The following SLC25A21 variants were observed in gnomAD, a reference collection of about 807,000 sequenced individuals.
SLC25A21 encodes mitochondrial 2-oxodicarboxylate carrier.
A neutral mutation model predicts 43.8 loss-of-function variants in SLC25A21; 47 were observed. The ratio of observed to expected loss-of-function variants is 1.07; its 90% CI spans 0.85 to 1.37. The LOEUF is 1.37. Ranked by LOEUF, SLC25A21 falls within the 40% of genes most tolerant of loss-of-function variation. The pLI is 0.00. For synonymous variants in SLC25A21, 131 were observed against 121.3 expected, an observed-to-expected ratio of 1.08 and a Z score of -0.52; for missense variants, 352 against 350.2, an observed-to-expected ratio of 1.00 and a Z score of -0.04.
intron 6 of SLC25A21, among the ~76,000 whole-genome samples, chr14:36,714,963 T>C (rs537621740): frequency 5.3e-5 from 8 of 152,224 alleles, no homozygotes; most frequent in Non-Finnish European, 1.2e-4. Context: ...GCAGCTGGTA[T>C]ATCTCATTTT....
chr14:37,110,770 T>G (rs1963004600), intron 1 of SLC25A21, among the ~76,000 whole-genome samples: 1 of 152,176 alleles, frequency 6.6e-6, no homozygotes, highest in Non-Finnish European at 1.5e-5. Context: ...TATCAATGAC[T>G]GATAACATAA....
chr14:37,135,473 C>G (rs555245060), intron 1 of SLC25A21, among the ~76,000 whole-genome samples: 1 of 152,160 alleles, frequency 6.6e-6, no homozygotes, highest in South Asian at 2.1e-4. Flanking sequence ...AAGATCCCCC[C>G]ACCCTCGGCC....
chr14:37,092,451 A>T (rs1962606394), intron 1 of SLC25A21, among the ~76,000 whole-genome samples: 2 of 152,010 alleles, frequency 1.3e-5, no homozygotes, highest in African/African-American at 4.8e-5. Context: ...CTACCTACCT[A>T]GGCTTCTGAT....
chr14:37,076,398 C>G (rs35341876), intron 1 of SLC25A21, among the ~76,000 whole-genome samples: 35,425 of 151,948 alleles, frequency 0.23, 4,696 homozygotes, highest in Non-Finnish European at 0.29. Flanking sequence ...GTCTTGAACT[C>G]CTGAGCTCAG....
intron 4 of SLC25A21, among the ~76,000 whole-genome samples, chr14:36,733,777 A>G (rs1411229078): frequency 2.6e-5 from 4 of 152,152 alleles, no homozygotes; most frequent in African/African-American, 9.7e-5. Flanking sequence ...GAGGGGAGCA[A>G]TGCCTGTCAG....
chr14:36,919,868 G>T (rs1218927117), intron 1 of SLC25A21, among the ~76,000 whole-genome samples: 1 of 151,966 alleles, frequency 6.6e-6, no homozygotes, highest in Non-Finnish European at 1.5e-5. Flanking sequence ...GACAAATAAT[G>T]GTGATGAATG....
At chr14:36,681,388 T>A (rs1458195782) in intron 9 of SLC25A21, among the ~76,000 whole-genome samples, 2 of 152,330 alleles carry the variant, frequency 1.3e-5, no homozygotes, top group Non-Finnish European at 1.5e-5. Flanking sequence ...AAGAGCTACA[T>A]AACTGGCTGT....
At position 36,774,743 on chromosome 14, in the gene SLC25A21, T is replaced by C. The variant is rs1238083366; in HGVS notation, c.203+39175A>G. Among the ~76,000 whole-genome samples, 3 of 152,134 alleles carry C rather than the reference T, an allele frequency of 2.0e-5. No individual in the cohort carries two copies. The East Asian group carries it at 5.8e-4, about 29-fold the overall frequency. The stretch of plus-strand genomic sequence containing the variant: ...ACCACACCCAGCTAATTTGTTATTT[T>C]TTGTAGAGAACAAGGTCTTGCTATG... On this transcript the variant is annotated intron_variant, in intron 3 of 9. Transcript: ENST00000331299.
At chr14:36,789,727 AT>A (rs1470912887) in intron 3 of SLC25A21, among the ~76,000 whole-genome samples, 1 of 133,186 alleles carries the variant, frequency 7.5e-6, no homozygotes, top group Non-Finnish European at 1.6e-5. Context: ...TATATAATAT[AT>A]TTTATATATT....
chr14:36,945,839 A>G (rs932517754), intron 1 of SLC25A21, among the ~76,000 whole-genome samples: 17 of 152,154 alleles, frequency 1.1e-4, no homozygotes, highest in African/African-American at 4.1e-4. Flanking sequence ...CCACTGAACT[A>G]TACACTTAAA....
chr14:36,693,481 A>G (rs1882880962), intron 7 of SLC25A21, among the ~76,000 whole-genome samples: 1 of 152,114 alleles, frequency 6.6e-6, no homozygotes, highest in African/African-American at 2.4e-5. Flanking sequence ...CTGAACATAC[A>G]AGATTAAATT....
intron 1 of SLC25A21, among the ~76,000 whole-genome samples, chr14:37,170,124 C>G (rs905615694): frequency 2.6e-5 from 4 of 152,142 alleles, no homozygotes; most frequent in Middle Eastern, 3.4e-3. Context: ...CAACCTCCGC[C>G]TCCTGGGTTC....
At chr14:36,949,340 T>C (rs1196375358) in intron 1 of SLC25A21, among the ~76,000 whole-genome samples, 1 of 152,210 alleles carries the variant, frequency 6.6e-6, no homozygotes, top group East Asian at 1.9e-4. Flanking sequence ...GCCTCTTATA[T>C]ACTGTGAAAA....
intron 1 of SLC25A21, among the ~76,000 whole-genome samples, chr14:37,091,634 T>C (rs1962588624): frequency 6.6e-6 from 1 of 152,148 alleles, no homozygotes; most frequent in South Asian, 2.1e-4. Flanking sequence ...ATGATGCAAA[T>C]TTTCCATCAC....
At position 36,690,440 on chromosome 14, in the gene SLC25A21, G is replaced by T. The variant is rs184504070; in HGVS notation, c.604-5515C>A. On this transcript the variant is annotated intron_variant, in intron 7 of 9. Coordinates refer to ENST00000331299, the MANE Select transcript of SLC25A21 (RefSeq NM_030631.4). ...TCAGTTGTCCAAGATCACACTGCTT[G>T]TAAGAGGTGGAGCCTGGATTTAAGC... Among the ~76,000 whole-genome samples the T allele has an allele frequency of 2.1e-3, 321 of 152,302 alleles. 1 individual carries two copies. The highest frequency in any genetic ancestry group is 7.3e-3 in the African/African-American group (303 of 41,570).
At chr14:37,072,622 C>T (rs1421605202) in intron 1 of SLC25A21, among the ~76,000 whole-genome samples, 2 of 152,252 alleles carry the variant, frequency 1.3e-5, no homozygotes, top group African/African-American at 2.4e-5. Context: ...TGGTGCACAC[C>T]TCTAGGCCCA....
rs1883859161 is a variant in SLC25A21, at chr14:36,711,390, T to C, written c.531A>G (p.Gly177=). The change falls in exon 7 of 10, where the codon GGA becomes GGG. Residue 177 remains glycine, a synonymous_variant. Transcript: ENST00000331299. ...GLNKGLTATL[G]RHGVFNMVYF... ...AAACCATGTTGAAAACTCCATGTCG[T>C]CCCAAAGTTGCAGTTAATCCTTTGT... 1 of 1,614,142 alleles carries C rather than the reference T, an allele frequency of 6.2e-7. No homozygotes were observed. The highest frequency in any genetic ancestry group is 8.5e-7 in the Non-Finnish European group (1 of 1,180,016).
chr14:36,856,413 G>C (rs979288580), intron 2 of SLC25A21, among the ~76,000 whole-genome samples: 5 of 152,160 alleles, frequency 3.3e-5, no homozygotes, highest in African/African-American at 7.2e-5. Flanking sequence ...CAGTAGCTCA[G>C]ACATGGCTTG....
intron 7 of SLC25A21, among the ~76,000 whole-genome samples, chr14:36,704,474 C>T (rs1363247873): frequency 6.6e-6 from 1 of 151,868 alleles, no homozygotes; most frequent in East Asian, 1.9e-4. Flanking sequence ...CTGACCAACA[C>T]GGTGAAACCC....
Sources: gnomAD v4.1 joint callset for allele counts (sites outside exome capture counted in the v4.1 genomes callset) on GRCh38, gnomAD v4.1.1 for gene constraint, MANE v1.5 for transcripts, NCBI Gene and HGNC (gene_info 2026-07-23, HGNC 2026-07-21) for gene names.